DTNA: variants seen among roughly 807,000 people sequenced by gnomAD.
DTNA encodes the protein dystrobrevin alpha, also known as dystrophin-related protein 3.
Under a neutral mutation model 100.7 loss-of-function variants are expected in DTNA, and 43 were observed. That is an observed-to-expected ratio of 0.43 (90% CI 0.33 to 0.55). The LOEUF (loss-of-function observed/expected upper bound fraction) is 0.55, where lower values mean the gene tolerates loss of function less well. Among genes scored for constraint, DTNA ranks in the 20% least tolerant of loss-of-function variants. The probability of loss-of-function intolerance (pLI) is 0.04; values close to 1 mark genes in which losing one functional copy is unlikely to be tolerated. For synonymous variants in DTNA, 349 were observed against 347.9 expected (o/e 1.00, Z -0.04); for missense variants, 798 against 953.9 (o/e 0.84, Z 2.15).
chr18:34,607,383 C>T (rs1240335475), intron 1 of DTNA, among the ~76,000 whole-genome samples: 1 of 152,082 alleles, frequency 6.6e-6, no homozygotes, highest in Non-Finnish European at 1.5e-5. Context: ...CAATAGTCTG[C>T]TCATAAAATG....
intron 20 of DTNA, 37 bp downstream of exon 20, chr18:34,879,756 C>T (rs1207350615): frequency 1.9e-6 from 3 of 1,612,556 alleles, no homozygotes; most frequent in Middle Eastern, 1.6e-4. Flanking sequence ...TTCTCAGTAA[C>T]AAAACAATCT....
intron 1 of DTNA, among the ~76,000 whole-genome samples, chr18:34,745,283 C>G (rs1030422580): frequency 2.6e-5 from 4 of 152,126 alleles, no homozygotes; most frequent in African/African-American, 9.7e-5. Context: ...TAGCCTACAT[C>G]TAGTTCAATA....
At chr18:34,795,154 A>G (rs1261011696) in intron 4 of DTNA, among the ~76,000 whole-genome samples, 1 of 152,140 alleles carries the variant, frequency 6.6e-6, no homozygotes, top group Non-Finnish European at 1.5e-5. Flanking sequence ...CAGCAATCAC[A>G]TTTTGAGATT....
chr18:34,496,518 C>CTT (rs1390410414), intron 1 of DTNA, among the ~76,000 whole-genome samples: 1 of 152,052 alleles, frequency 6.6e-6, no homozygotes, highest in Non-Finnish European at 1.5e-5. Flanking sequence ...TTGACATGAC[C>CTT]TTTTCCTTTC....
chr18:34,820,438 T>C (rs2095686368), intron 8 of DTNA, among the ~76,000 whole-genome samples: 1 of 152,188 alleles, frequency 6.6e-6, no homozygotes, highest in African/African-American at 2.4e-5. Context: ...TGCCTCCTGC[T>C]TTCCTCCCCA....
rs371397624 is a variant in DTNA, at chr18:34,814,571, A to G, written c.604-1338A>G. 6.1e-4 allele frequency among the ~76,000 whole-genome samples: 93 copies of G among 152,162 alleles called. 3 individuals carry two copies. The East Asian group carries it at 0.013, about 22-fold the overall frequency. On this transcript the variant is annotated intron_variant, in intron 6 of 22. Coordinates refer to ENST00000444659, the MANE Select transcript of DTNA (RefSeq NM_001386795.1). The stretch of plus-strand genomic sequence containing the variant: ...GCCAGGTGTGGTGGCACACACTTAT[A>G]GTCCCAGCTACTTGGGAGGCTGAGA...
At chr18:34,785,971 G>A (rs1312532663) in intron 3 of DTNA, among the ~76,000 whole-genome samples, 2 of 152,186 alleles carry the variant, frequency 1.3e-5, no homozygotes, top group African/African-American at 4.8e-5. Context: ...TTAGGGTAAT[G>A]AGTCTCAGGA....
At chr18:34,613,265 C>A (rs1371866682) in intron 1 of DTNA, among the ~76,000 whole-genome samples, 1 of 152,216 alleles carries the variant, frequency 6.6e-6, no homozygotes, top group Admixed American at 6.5e-5. Context: ...GCCATTCCTC[C>A]ATTTCTCTCC....
chr18:34,779,734 G>A (rs552534429), intron 3 of DTNA, among the ~76,000 whole-genome samples: 1 of 152,202 alleles, frequency 6.6e-6, no homozygotes, highest in South Asian at 2.1e-4. Flanking sequence ...ATCAGATAAT[G>A]TTGGTTCTTG....
chr18:34,829,256 T>A (rs1484915928), intron 10 of DTNA, 144 bp from the exon 11 acceptor site: 1 of 1,524,844 alleles, frequency 6.6e-7, no homozygotes, highest in African/African-American at 1.4e-5. Flanking sequence ...CATTTCTTTC[T>A]GTCACCACAG....
chr18:34,790,400 A>T lies in DTNA; in HGVS notation c.149-3637A>T, dbSNP rs2094674312. ...CCAGCCCAGAAAGATATCCTTGAGG[A>T]AGTAATGTTGACGCCAAGGTATAGT... is the stretch of plus-strand genomic sequence containing the variant. On this transcript the variant is annotated intron_variant, in intron 3 of 22. Coordinates refer to ENST00000444659, the MANE Select transcript of DTNA (RefSeq NM_001386795.1). Among the ~76,000 whole-genome samples the T allele has an allele frequency of 2.5e-5, 3 of 119,960 alleles. 1 individual carries two copies. The highest frequency in any genetic ancestry group is 1.0e-4 in the African/African-American group (3 of 29,380). 78.7% of individuals were successfully genotyped at this position (119,960 alleles called of 152,430 possible). A position where few individuals can be genotyped will look rare whatever the true frequency, so the allele number is the denominator to read the frequency against.
At chr18:34,542,530 C>A (rs2044346706) in intron 1 of DTNA, among the ~76,000 whole-genome samples, 2 of 152,032 alleles carry the variant, frequency 1.3e-5, no homozygotes, top group Admixed American at 1.3e-4. Context: ...CCAGTCTACA[C>A]TGCCAAAGTG....
intron 1 of DTNA, among the ~76,000 whole-genome samples, chr18:34,611,768 A>C (rs752645122): frequency 2.7e-4 from 41 of 152,262 alleles, no homozygotes; most frequent in Non-Finnish European, 5.3e-4. Context: ...ACTTCACCTC[A>C]CTGAAAAATA....
chr18:34,593,866 TATTATGCC>T (rs1359633960), intron 1 of DTNA, among the ~76,000 whole-genome samples: 1 of 152,182 alleles, frequency 6.6e-6, no homozygotes, highest in African/African-American at 2.4e-5. Context: ...CTACTGTGTC[TATTATGCC>T]ATTGGATGAA....
intron 17 of DTNA, among the ~76,000 whole-genome samples, chr18:34,869,046 CAA>C (rs1399959743): frequency 6.6e-6 from 1 of 152,126 alleles, no homozygotes; most frequent in Non-Finnish European, 1.5e-5. Flanking sequence ...GTTTTCTTAG[CAA>C]AGTTACTGGA....
At position 34,875,389 on chromosome 18, in the gene DTNA, T is replaced by A. The variant is rs1378252645; in HGVS notation, c.1894T>A (p.Phe632Ile). Reference protein sequence around the residue: ...TGVGGDVQEAFAQSSRRNLRN... With the variant: ...TGVGGDVQEAIAQSSRRNLRN... Reference sequence around the variant, plus strand: ...AGTAGGGGGAGATGTACAAGAGGCATTTGCACAAAGTAAGTGGCTTTATTT... The same window carrying A: ...AGTAGGGGGAGATGTACAAGAGGCAATTGCACAAAGTAAGTGGCTTTATTT... The change falls in exon 18 of 23, where the codon TTT becomes ATT. Residue 632 changes from phenylalanine (F) to isoleucine (I), a missense_variant. Phe to Ile is a conservative substitution (Grantham distance 21). Around this residue, in one of 6 missense-constraint regions of DTNA, gnomAD observed 242 missense variants for 238.2 expected, o/e 1.02. Coordinates refer to ENST00000444659, the MANE Select transcript of DTNA (RefSeq NM_001386795.1). The A allele has an allele frequency of 1.1e-5, 17 of 1,614,044 alleles. No homozygotes were observed. Among genetic ancestry groups the A allele is most frequent in the Non-Finnish European group, 1.4e-5 (17 of 1,180,046 alleles).
intron 1 of DTNA, among the ~76,000 whole-genome samples, chr18:34,702,921 G>C (rs1385211384): frequency 6.6e-6 from 1 of 152,154 alleles, no homozygotes; most frequent in Non-Finnish European, 1.5e-5. Context: ...GATAGGAAAT[G>C]GTAACTATAA....
At chr18:34,670,890 G>A (rs2076656271) in intron 1 of DTNA, among the ~76,000 whole-genome samples, 1 of 152,254 alleles carries the variant, frequency 6.6e-6, no homozygotes, top group African/African-American at 2.4e-5. Flanking sequence ...TGAGGAGGCA[G>A]TCTGACCGTT....
intron 4 of DTNA, among the ~76,000 whole-genome samples, chr18:34,794,559 C>T (rs1355642949): frequency 2.0e-5 from 3 of 152,204 alleles, no homozygotes; most frequent in East Asian, 1.9e-4. Context: ...GCCTGTGGTG[C>T]GATTTAATGA....
Sources: gnomAD v4.1 joint callset for allele counts (sites outside exome capture counted in the v4.1 genomes callset) on GRCh38, gnomAD v4.1.1 for gene constraint, gnomAD v4.1.1 regional missense constraint, MANE v1.5 for transcripts, NCBI Gene and HGNC (gene_info 2026-07-23, HGNC 2026-07-21) for gene names.